NRXN3: variants seen among roughly 807,000 people sequenced by gnomAD.
The protein encoded by NRXN3 is neurexin III.
Under a neutral mutation model 137.6 loss-of-function variants are expected in NRXN3, and 32 were observed. That is an observed-to-expected ratio of 0.23 (90% CI 0.18 to 0.31). The LOEUF is 0.31. Among genes scored for constraint, NRXN3 ranks in the 10% least tolerant of loss-of-function variants. The pLI, the probability that NRXN3 is intolerant of heterozygous loss-of-function variation, is 1.00. For synonymous variants in NRXN3, 798 were observed against 784.5 expected, an observed-to-expected ratio of 1.02 and a Z score of -0.29; for missense variants, 1,574 against 2,062.5, an observed-to-expected ratio of 0.76 and a Z score of 4.59.
intron 10 of NRXN3, among the ~76,000 whole-genome samples, chr14:78,953,608 C>A (rs776486004): frequency 2.6e-5 from 4 of 152,190 alleles, no homozygotes; most frequent in Non-Finnish European, 4.4e-5. Flanking sequence ...TTACAAAGTT[C>A]TGCATCCCAG....
intron 20 of NRXN3, among the ~76,000 whole-genome samples, chr14:79,818,951 C>T (rs141034203): frequency 6.6e-6 from 1 of 152,256 alleles, no homozygotes; most frequent in East Asian, 1.9e-4. Context: ...AACTCATAAA[C>T]TGGAAAATGT....
At chr14:79,353,947 G>GGGC (rs1566889181) in intron 15 of NRXN3, among the ~76,000 whole-genome samples, 1 of 152,084 alleles carries the variant, frequency 6.6e-6, no homozygotes, top group African/African-American at 2.4e-5. Flanking sequence ...GGGCAAATCT[G>GGGC]ACATGTTTTC....
At chr14:78,621,682 T>A (rs1191348189) in intron 4 of NRXN3, among the ~76,000 whole-genome samples, 1 of 152,214 alleles carries the variant, frequency 6.6e-6, no homozygotes, top group Non-Finnish European at 1.5e-5. Flanking sequence ...CATTAAATTG[T>A]ACATAAGTAC....
intron 6 of NRXN3, among the ~76,000 whole-genome samples, chr14:78,676,465 C>T (rs2098008079): frequency 6.6e-6 from 1 of 152,044 alleles, no homozygotes; most frequent in South Asian, 2.1e-4. Flanking sequence ...GAGCAATGCC[C>T]TAATGCTTGA....
intron 10 of NRXN3, among the ~76,000 whole-genome samples, chr14:78,864,004 G>A (rs1472799191): frequency 2.6e-5 from 4 of 152,096 alleles, no homozygotes; most frequent in Non-Finnish European, 5.9e-5. Context: ...TGAACATATT[G>A]TCTTTGAAAT....
chr14:78,291,209 T>G (rs1266989369), intron 3 of NRXN3, among the ~76,000 whole-genome samples: 1 of 152,222 alleles, frequency 6.6e-6, no homozygotes, highest in Non-Finnish European at 1.5e-5. Context: ...CATCTGCTGG[T>G]GCAGAGTCCT....
At chr14:79,336,621 A>G (rs1271950638) in intron 15 of NRXN3, among the ~76,000 whole-genome samples, 2 of 152,134 alleles carry the variant, frequency 1.3e-5, no homozygotes, top group East Asian at 1.9e-4. Context: ...TTCTTTTTGG[A>G]TATTTAGGTT....
chr14:79,438,034 G>T (rs1416920374), intron 15 of NRXN3, among the ~76,000 whole-genome samples: 1 of 152,120 alleles, frequency 6.6e-6, no homozygotes, highest in Non-Finnish European at 1.5e-5. Flanking sequence ...GCAATAGCCA[G>T]CATGGCTTGT....
At chr14:78,965,178 G>A (rs995009847) in intron 11 of NRXN3, among the ~76,000 whole-genome samples, 3 of 152,172 alleles carry the variant, frequency 2.0e-5, no homozygotes, top group African/African-American at 7.2e-5. Flanking sequence ...CAAGAGCTCT[G>A]GAACTGAGTG....
intron 15 of NRXN3, among the ~76,000 whole-genome samples, chr14:79,452,288 G>A (rs1212693971): frequency 6.6e-6 from 1 of 152,092 alleles, no homozygotes. Context: ...AAGAGTTAAA[G>A]ACCAATTATC....
intron 19 of NRXN3, among the ~76,000 whole-genome samples, chr14:79,740,718 A>T (rs2075314499): frequency 8.4e-4 from 10 of 11,944 alleles, no homozygotes; most frequent in African/African-American, 4.4e-3. Flanking sequence ...TTTTTTATAT[A>T]TATATATATA....
intron 8 of NRXN3, among the ~76,000 whole-genome samples, chr14:78,785,288 C>T (rs2098785453): frequency 6.6e-6 from 1 of 152,158 alleles, no homozygotes; most frequent in African/African-American, 2.4e-5. Context: ...GTTGTTGACT[C>T]AAGGACTGCT....
chr14:79,095,093 G>T (rs2050055354), intron 15 of NRXN3, among the ~76,000 whole-genome samples: 1 of 151,802 alleles, frequency 6.6e-6, no homozygotes, highest in African/African-American at 2.4e-5. Context: ...CAGAGATTAG[G>T]AGTATTCATA....
At chr14:79,201,928 G>A (rs1051730487) in intron 15 of NRXN3, among the ~76,000 whole-genome samples, 3 of 152,194 alleles carry the variant, frequency 2.0e-5, no homozygotes, top group Non-Finnish European at 4.4e-5. Context: ...GAGGAAGCAC[G>A]TGAGAATTGG....
At chr14:79,855,111 C>T (rs2099399832) in intron 20 of NRXN3, among the ~76,000 whole-genome samples, 5 of 151,966 alleles carry the variant, frequency 3.3e-5, no homozygotes, top group Admixed American at 3.3e-4. Flanking sequence ...AAGATTCTAC[C>T]AAGAAAACAT....
intron 3 of NRXN3, 94 bp from the exon 4 acceptor site, chr14:78,297,737 T>C (rs368609093): frequency 2.9e-5 from 27 of 941,552 alleles, no homozygotes; most frequent in African/African-American, 2.4e-4. Context: ...AGGATTAAGA[T>C]TGTATTGCAT....
chr14:78,458,901 G>A (rs537164397), intron 4 of NRXN3, among the ~76,000 whole-genome samples: 1 of 152,312 alleles, frequency 6.6e-6, no homozygotes, highest in African/African-American at 2.4e-5. Flanking sequence ...CATTTGCTTG[G>A]AGAGGGGAAT....
chr14:78,394,489 G>A (rs1010762797), intron 4 of NRXN3, among the ~76,000 whole-genome samples: 1 of 151,484 alleles, frequency 6.6e-6, no homozygotes, highest in African/African-American at 2.4e-5. Flanking sequence ...ATTTTGTTAA[G>A]GTTTTTTGTG....
At chr14:78,724,940 C>G (rs1423398838) in intron 8 of NRXN3, among the ~76,000 whole-genome samples, 1 of 152,172 alleles carries the variant, frequency 6.6e-6, no homozygotes, top group Non-Finnish European at 1.5e-5. Context: ...TTGAAAGACC[C>G]CCTTCTGTGG....
Sources: gnomAD v4.1 joint callset for allele counts (sites outside exome capture counted in the v4.1 genomes callset) on GRCh38, gnomAD v4.1.1 for gene constraint, MANE v1.5 for transcripts, NCBI Gene and HGNC (gene_info 2026-07-23, HGNC 2026-07-21) for gene names.